The following ZFAT variants were observed in gnomAD, a reference collection of about 807,000 sequenced individuals.
ZFAT encodes zinc finger and AT-hook domain containing.
Under a neutral mutation model 117.7 loss-of-function variants are expected in ZFAT, and 64 were observed. That is an observed-to-expected ratio of 0.54 (90% CI 0.44 to 0.67). The LOEUF is 0.67. Among genes scored for constraint, ZFAT ranks in the 30% least tolerant of loss-of-function variants. The pLI, the probability that ZFAT is intolerant of heterozygous loss-of-function variation, is 0.00. For synonymous variants in ZFAT, 679 were observed against 615.0 expected, an observed-to-expected ratio of 1.10 and a Z score of -1.54; for missense variants, 1,433 against 1,584.5, an observed-to-expected ratio of 0.90 and a Z score of 1.62.
the ZFAT span, among the ~76,000 whole-genome samples, chr8:134,813,801 TACACAC>T: frequency 0.053 from 7,737 of 147,080 alleles, 212 homozygotes; most frequent in Non-Finnish European, 0.054. Flanking sequence ...TTTGATTTTA[TACACAC>T]ACACACACAC....
chr8:134,708,150 A>C (rs1487834886), intron 1 of ZFAT, among the ~76,000 whole-genome samples: 3 of 152,260 alleles, frequency 2.0e-5, no homozygotes, highest in African/African-American at 7.2e-5. Flanking sequence ...AGCTCAAAGA[A>C]GCAGAGAGTA....
chr8:134,770,057 G>C, the ZFAT span, among the ~76,000 whole-genome samples: 2 of 152,222 alleles, frequency 1.3e-5, no homozygotes, highest in African/African-American at 4.8e-5. Flanking sequence ...CCTGTGATGG[G>C]AGGAGCTGCC....
the ZFAT span, among the ~76,000 whole-genome samples, chr8:134,826,523 C>T: frequency 6.6e-6 from 1 of 152,262 alleles, no homozygotes; most frequent in Admixed American, 6.5e-5. Context: ...AATTTCCACT[C>T]CATCTATTTA....
chr8:134,805,214 A>C, the ZFAT span, among the ~76,000 whole-genome samples: 18 of 151,942 alleles, frequency 1.2e-4, no homozygotes, highest in African/African-American at 4.4e-4. Context: ...GATATCCTAC[A>C]TGAGGATACA....
chr8:134,576,909 CA>C (rs1383882844), intron 10 of ZFAT, among the ~76,000 whole-genome samples: 2 of 152,130 alleles, frequency 1.3e-5, no homozygotes, highest in Non-Finnish European at 2.9e-5. Flanking sequence ...CAGTTTGGAT[CA>C]GGGGGAGGGG....
At chr8:134,755,817 C>CAAAAAAAAA in the ZFAT span, among the ~76,000 whole-genome samples, 1 of 90,016 alleles carries the variant, frequency 1.1e-5, no homozygotes, top group Non-Finnish European at 2.1e-5. Flanking sequence ...GACTCCATCT[C>CAAAAAAAAA]AAAAAAAAAA....
intron 10 of ZFAT, among the ~76,000 whole-genome samples, chr8:134,581,881 T>A (rs1550583): frequency 6.6e-6 from 1 of 152,222 alleles, no homozygotes; most frequent in African/African-American, 2.4e-5. Flanking sequence ...TGAGCCACTG[T>A]GCCCGACCTG....
chr8:134,611,789 A>G (rs956487328), intron 3 of ZFAT, among the ~76,000 whole-genome samples: 7 of 152,250 alleles, frequency 4.6e-5, no homozygotes, highest in African/African-American at 1.7e-4. Flanking sequence ...AAGGCCATGG[A>G]GAGCCACAGG....
intron 15 of ZFAT, among the ~76,000 whole-genome samples, chr8:134,481,766 C>T (rs1265970288): frequency 6.6e-6 from 1 of 152,180 alleles, no homozygotes; most frequent in African/African-American, 2.4e-5. Flanking sequence ...AGGAGGCCAG[C>T]GTGCCTGACC....
At chr8:134,605,734 G>A (rs566742311) in intron 5 of ZFAT, among the ~76,000 whole-genome samples, 1 of 152,234 alleles carries the variant, frequency 6.6e-6, no homozygotes, top group Non-Finnish European at 1.5e-5. Flanking sequence ...CCAACATAGG[G>A]AACTAGTTTG....
intron 15 of ZFAT, among the ~76,000 whole-genome samples, chr8:134,505,164 G>T (rs2130315238): frequency 6.6e-6 from 1 of 152,260 alleles, no homozygotes; most frequent in East Asian, 1.9e-4. Flanking sequence ...ACATGTATAT[G>T]GATTGGCTAT....
chr8:134,777,768 T>C, the ZFAT span, among the ~76,000 whole-genome samples: 3 of 152,244 alleles, frequency 2.0e-5, no homozygotes, highest in Non-Finnish European at 4.4e-5. Context: ...AACTTTCTGC[T>C]TCTATGACAT....
the ZFAT span, among the ~76,000 whole-genome samples, chr8:134,814,897 T>C: frequency 5.9e-5 from 9 of 152,352 alleles, no homozygotes; most frequent in African/African-American, 1.9e-4. Flanking sequence ...TCTTCTCTCA[T>C]TCCACATTTT....
At chr8:134,774,149 C>T in the ZFAT span, among the ~76,000 whole-genome samples, 23 of 152,034 alleles carry the variant, frequency 1.5e-4, no homozygotes, top group East Asian at 2.5e-3. Context: ...GCACACACCA[C>T]CACGCTCGGC....
intron 2 of ZFAT, among the ~76,000 whole-genome samples, chr8:134,638,103 C>T (rs1351375210): frequency 6.6e-6 from 1 of 152,168 alleles, no homozygotes; most frequent in Non-Finnish European, 1.5e-5. Flanking sequence ...AAAGCGTTCT[C>T]AAAGGCTGCT....
At chr8:134,575,570 T>C (rs976759963) in intron 10 of ZFAT, among the ~76,000 whole-genome samples, 4 of 152,206 alleles carry the variant, frequency 2.6e-5, no homozygotes, top group Admixed American at 6.5e-5. Context: ...TTGATCTAGG[T>C]CGCTAACTTT....
chr8:134,642,584 C>T (rs1441182998), intron 2 of ZFAT, among the ~76,000 whole-genome samples: 1 of 152,194 alleles, frequency 6.6e-6, no homozygotes, highest in Non-Finnish European at 1.5e-5. Context: ...TCTTGATGTA[C>T]ATGCATTCTC....
At chr8:134,684,172 C>T (rs1333838891) in intron 1 of ZFAT, among the ~76,000 whole-genome samples, 2 of 152,026 alleles carry the variant, frequency 1.3e-5, no homozygotes, top group African/African-American at 4.8e-5. Context: ...AGGAGACGAC[C>T]CAGCACCTTC....
At chr8:134,707,561 C>A (rs182537573) in intron 1 of ZFAT, among the ~76,000 whole-genome samples, 2 of 150,110 alleles carry the variant, frequency 1.3e-5, no homozygotes, top group African/African-American at 4.8e-5. Context: ...TAGAGCCCTA[C>A]AAGAAGTCTT....
Sources: allele counts gnomAD v4.1 joint callset (sites outside exome capture counted in the v4.1 genomes callset), GRCh38; gene constraint gnomAD v4.1.1; transcripts MANE v1.5; gene names NCBI Gene and HGNC (gene_info 2026-07-23, HGNC 2026-07-21).